The following FRMD4A variants were observed in gnomAD, a reference collection of about 807,000 sequenced individuals.
FRMD4A encodes FERM domain containing 4A.
Under a neutral mutation model 129.1 loss-of-function variants are expected in FRMD4A, and 29 were observed. That is an observed-to-expected ratio of 0.22 (90% confidence interval 0.17 to 0.31). FRMD4A has a LOEUF of 0.31. Ranked by LOEUF, FRMD4A falls within the 10% of genes least tolerant of loss-of-function variation. FRMD4A has a pLI of 1.00. For synonymous variants in FRMD4A, 634 were observed against 571.6 expected (o/e 1.11, Z -1.56); for missense variants, 1,272 against 1,375.8 (o/e 0.92, Z 1.19).
chr10:14,193,885 C>A (rs1842394920), intron 2 of FRMD4A, among the ~76,000 whole-genome samples: 1 of 152,146 alleles, frequency 6.6e-6, no homozygotes, highest in African/African-American at 2.4e-5. Flanking sequence ...GTGGTGAACA[C>A]TGATCCATCC....
chr10:13,804,638 G>A (rs906211057), intron 4 of FRMD4A, among the ~76,000 whole-genome samples: 4 of 151,298 alleles, frequency 2.6e-5, no homozygotes, highest in African/African-American at 9.8e-5. Flanking sequence ...CCCGCCTCCC[G>A]GGTTCAAGCA....
intron 2 of FRMD4A, among the ~76,000 whole-genome samples, chr10:13,994,247 T>C (rs1466478753): frequency 2.7e-5 from 4 of 149,130 alleles, no homozygotes; most frequent in African/African-American, 5.0e-5. Context: ...TGGTGTGATA[T>C]TGGCTCACTG....
chr10:13,795,460 G>C (rs554905393), intron 5 of FRMD4A, among the ~76,000 whole-genome samples: 1 of 152,366 alleles, frequency 6.6e-6, no homozygotes, highest in South Asian at 2.1e-4. Flanking sequence ...ACTCTTGTTT[G>C]AAGCCCTTCT....
chr10:13,999,119 G>A (rs1033848151), intron 2 of FRMD4A, among the ~76,000 whole-genome samples: 1 of 151,992 alleles, frequency 6.6e-6, no homozygotes, highest in African/African-American at 2.4e-5. Context: ...CTCTGTGTGG[G>A]ATGTTCTTTC....
At chr10:14,220,847 G>T (rs1280842302) in intron 2 of FRMD4A, among the ~76,000 whole-genome samples, 1 of 151,216 alleles carries the variant, frequency 6.6e-6, no homozygotes. Context: ...TGTTTACTGG[G>T]GGCTCCCAGA....
chr10:13,764,220 T>TGTGC (rs869235957), intron 6 of FRMD4A, among the ~76,000 whole-genome samples: 5 of 150,696 alleles, frequency 3.3e-5, no homozygotes, highest in Non-Finnish European at 7.4e-5. Flanking sequence ...TGTGTGTGTG[T>TGTGC]ATGGTAAAAA....
intron 24 of FRMD4A, among the ~76,000 whole-genome samples, chr10:13,649,839 A>C (rs1045651888): frequency 6.6e-6 from 1 of 152,228 alleles, no homozygotes; most frequent in African/African-American, 2.4e-5. Context: ...CAAATAATAC[A>C]AATGGGGCCA....
At chr10:14,303,484 G>C (rs1345102690) in intron 2 of FRMD4A, among the ~76,000 whole-genome samples, 1 of 152,256 alleles carries the variant, frequency 6.6e-6, no homozygotes, top group African/African-American at 2.4e-5. Flanking sequence ...TGGCTACCAA[G>C]TCCTTGGATT....
At chr10:14,306,068 G>A (rs1218481) in intron 2 of FRMD4A, among the ~76,000 whole-genome samples, 7 of 151,968 alleles carry the variant, frequency 4.6e-5, no homozygotes, top group Non-Finnish European at 8.8e-5. Flanking sequence ...GTGCAGCAAA[G>A]CACCACGGCA....
intron 18 of FRMD4A, among the ~76,000 whole-genome samples, chr10:13,664,158 G>C (rs2082841743): frequency 6.6e-6 from 1 of 152,220 alleles, no homozygotes; most frequent in Non-Finnish European, 1.5e-5. Flanking sequence ...AGGTGGTTTT[G>C]CTCTCCAGCA....
intron 2 of FRMD4A, among the ~76,000 whole-genome samples, chr10:13,977,479 A>T (rs1565148662): frequency 6.6e-6 from 1 of 152,210 alleles, no homozygotes; most frequent in Non-Finnish European, 1.5e-5. Context: ...AGTGCTCTTA[A>T]AAACGTAAAA....
chr10:14,122,299 C>A (rs1838569599), intron 2 of FRMD4A, among the ~76,000 whole-genome samples: 2 of 152,274 alleles, frequency 1.3e-5, no homozygotes, highest in South Asian at 4.1e-4. Flanking sequence ...TCTTGCCCTG[C>A]CATAAAAAGC....
intron 4 of FRMD4A, among the ~76,000 whole-genome samples, chr10:13,804,649 A>G (rs1359083883): frequency 6.6e-6 from 1 of 151,430 alleles, no homozygotes; most frequent in Non-Finnish European, 1.5e-5. Flanking sequence ...GGTTCAAGCA[A>G]TTCTCCTGCC....
intron 3 of FRMD4A, among the ~76,000 whole-genome samples, chr10:13,857,050 C>T (rs2094223601): frequency 6.6e-6 from 1 of 152,124 alleles, no homozygotes; most frequent in African/African-American, 2.4e-5. Context: ...CCTTTATTGC[C>T]TCATTCTTCC....
At chr10:14,251,735 T>C (rs548092229) in intron 2 of FRMD4A, among the ~76,000 whole-genome samples, 14 of 152,316 alleles carry the variant, frequency 9.2e-5, no homozygotes, top group Admixed American at 9.2e-4. Flanking sequence ...GCCAGATTCC[T>C]GGGAGTTCAT....
chr10:13,733,309 T>C (rs1413017972), intron 12 of FRMD4A, among the ~76,000 whole-genome samples: 1 of 152,230 alleles, frequency 6.6e-6, no homozygotes, highest in Non-Finnish European at 1.5e-5. Flanking sequence ...TAAGGCTTCT[T>C]AACAATGGCT....
intron 2 of FRMD4A, among the ~76,000 whole-genome samples, chr10:13,983,728 G>A (rs992281692): frequency 2.6e-5 from 4 of 152,010 alleles, no homozygotes; most frequent in South Asian, 2.1e-4. Context: ...GGCCGGGCGC[G>A]GTGGCTCATG....
At chr10:13,727,460 C>T (rs1008554390) in intron 12 of FRMD4A, among the ~76,000 whole-genome samples, 2 of 152,102 alleles carry the variant, frequency 1.3e-5, no homozygotes, top group Non-Finnish European at 2.9e-5. Context: ...AAGTCTTGGC[C>T]CCCAGCCTCA....
intron 5 of FRMD4A, among the ~76,000 whole-genome samples, chr10:13,786,911 A>G (rs2092879528): frequency 6.6e-6 from 1 of 152,224 alleles, no homozygotes; most frequent in Non-Finnish European, 1.5e-5. Context: ...GTTCTTAAAA[A>G]GTAAAGAGTA....
Sources: gnomAD v4.1 joint callset for allele counts (sites outside exome capture counted in the v4.1 genomes callset) on GRCh38, gnomAD v4.1.1 for gene constraint, MANE v1.5 for transcripts, NCBI Gene and HGNC (gene_info 2026-07-23, HGNC 2026-07-21) for gene names.